Variants in SCD5 observed in about 807,000 individuals in gnomAD.
SCD5 encodes stearoyl-CoA desaturase 5.
A neutral mutation model predicts 30.4 loss-of-function variants in SCD5; 20 were observed. The ratio of observed to expected loss-of-function variants is 0.66; its 90% CI spans 0.46 to 0.96. The LOEUF (loss-of-function observed/expected upper bound fraction) is 0.96. SCD5 is among the 40% of genes least tolerant of loss of function. The pLI, the probability that SCD5 is intolerant of heterozygous loss-of-function variation, is 0.00. For synonymous variants in SCD5, 173 were observed against 176.4 expected (o/e 0.98, Z 0.16); for missense variants, 381 against 443.3 (o/e 0.86, Z 1.26).
At chr4:82,662,899 G>A (rs1255641354) in intron 3 of SCD5, among the ~76,000 whole-genome samples, 1 of 149,480 alleles carries the variant, frequency 6.7e-6, no homozygotes, top group Non-Finnish European at 1.5e-5. Context: ...AAATCCTTCA[G>A]TGTTCATGAA....
intron 2 of SCD5, among the ~76,000 whole-genome samples, chr4:82,683,926 T>A (rs1347205756): frequency 6.6e-6 from 1 of 152,204 alleles, no homozygotes; most frequent in African/African-American, 2.4e-5. Flanking sequence ...CCTCTTTTCT[T>A]TATAGATTAC....
intron 1 of SCD5, among the ~76,000 whole-genome samples, chr4:82,796,530 G>A (rs887495091): frequency 1.3e-5 from 2 of 152,128 alleles, no homozygotes; most frequent in Non-Finnish European, 2.9e-5. Flanking sequence ...TGGAGAGAGG[G>A]GCCTTGTCCT....
Position 82,680,845 on chromosome 4 carries a change from G to C in SCD5, c.431C>G (p.Pro144Arg). 1 of 1,613,584 alleles carries C rather than the reference G, an allele frequency of 6.2e-7. No individual in the cohort carries two copies. Among genetic ancestry groups the C allele is most frequent in the Non-Finnish European group, 8.5e-7 (1 of 1,179,968 alleles). The change falls in exon 3 of 5, where the codon CCC becomes CGC. Residue 144 changes from proline (P) to arginine (R), a missense_variant. Transcript: ENST00000319540. Reference sequence around the variant, plus strand: ...GAAGAAGCCCCGGCGGGCATTGTGGGGGTCAGCATCCGTCTCTGAGTACTT... The same window carrying C: ...GAAGAAGCCCCGGCGGGCATTGTGGCGGTCAGCATCCGTCTCTGAGTACTT... Reference protein sequence around the residue: ...HHKYSETDADPHNARRGFFFS... With the variant: ...HHKYSETDADRHNARRGFFFS...
intron 3 of SCD5, chr4:82,661,115 C>G: frequency 1.3e-6 from 2 of 1,588,690 alleles, no homozygotes; most frequent in East Asian, 2.2e-5. Flanking sequence ...GAGTTCCACC[C>G]AGGTTTGTTC....
chr4:82,705,093 C>T lies in SCD5; in HGVS notation c.363+190G>A, dbSNP rs116593518. ...GTTCAGCATGCCTTAGGGCACAAAA[C>T]CCCCCCAGGGGACATTTTACTGTAT... On this transcript the variant is annotated intron_variant, in intron 2 of 4. Transcript: ENST00000319540. Among the ~76,000 whole-genome samples the T allele has an allele frequency of 6.9e-3, 1,044 of 152,296 alleles. 13 individuals are homozygous for T. Among genetic ancestry groups the T allele is most frequent in the African/African-American group, 0.024 (993 of 41,552 alleles).
intron 1 of SCD5, among the ~76,000 whole-genome samples, chr4:82,712,272 A>ACG (rs1193175219): frequency 2.0e-5 from 1 of 48,926 alleles, no homozygotes; most frequent in African/African-American, 1.4e-4. Flanking sequence ...ATATATATAT[A>ACG]TATATATATA....
At chr4:82,677,665 T>A (rs1315567852) in intron 3 of SCD5, among the ~76,000 whole-genome samples, 2 of 152,230 alleles carry the variant, frequency 1.3e-5, no homozygotes. Context: ...ATGTTCTCTA[T>A]GCTGTATAAT....
At position 82,660,735 on chromosome 4, in the gene SCD5, T is replaced by C; in HGVS notation, c.569+19972A>G. ...TGCCTCCTTGTGTCAACTGATTGAA[T>C]CAATAAATAACCTAATGTTAGCACA... On this transcript the variant is annotated intron_variant, in intron 3 of 4. Coordinates refer to ENST00000319540, the MANE Select transcript of SCD5 (RefSeq NM_001037582.3). 20 of 1,472,650 alleles carry C rather than the reference T, an allele frequency of 1.4e-5. No homozygotes were observed. The South Asian group carries it at 2.8e-4, about 21-fold the overall frequency. The allele number at this position is 1,472,650 out of a possible 1,614,324, so 91.2% of individuals were successfully genotyped here.
At chr4:82,642,732 A>G (rs1727570437) in intron 3 of SCD5, among the ~76,000 whole-genome samples, 1 of 152,224 alleles carries the variant, frequency 6.6e-6, no homozygotes, top group Non-Finnish European at 1.5e-5. Context: ...ATTAGAATAA[A>G]TTGGGGAACA....
chr4:82,777,873 T>G (rs1578064527), intron 1 of SCD5, among the ~76,000 whole-genome samples: 1 of 91,574 alleles, frequency 1.1e-5, no homozygotes, highest in African/African-American at 4.4e-5. Flanking sequence ...CGAGCAACAC[T>G]CCCCCTTTGA....
At chr4:82,685,679 T>A (rs2148822672) in intron 2 of SCD5, among the ~76,000 whole-genome samples, 1 of 149,248 alleles carries the variant, frequency 6.7e-6, no homozygotes, top group East Asian at 2.0e-4. Flanking sequence ...ACCACTGCAC[T>A]CCAGCCTGGG....
At chr4:82,788,257 G>A (rs887379588) in intron 1 of SCD5, among the ~76,000 whole-genome samples, 1 of 152,106 alleles carries the variant, frequency 6.6e-6, no homozygotes, top group Non-Finnish European at 1.5e-5. Flanking sequence ...CCCAGTTTGT[G>A]GTACTCTGTT....
intron 1 of SCD5, among the ~76,000 whole-genome samples, chr4:82,755,199 A>G (rs1390298649): frequency 6.6e-6 from 1 of 152,136 alleles, no homozygotes; most frequent in Admixed American, 6.5e-5. Context: ...CGAAAAAATT[A>G]GGAGAGATGA....
intron 2 of SCD5, among the ~76,000 whole-genome samples, chr4:82,695,157 C>T (rs934703093): frequency 4.6e-5 from 7 of 151,980 alleles, no homozygotes; most frequent in African/African-American, 1.2e-4. Context: ...GGGGTGGACA[C>T]AGAGGACTGG....
intron 1 of SCD5, among the ~76,000 whole-genome samples, chr4:82,715,676 T>C (rs1560541981): frequency 6.6e-6 from 1 of 150,382 alleles, no homozygotes; most frequent in African/African-American, 2.5e-5. Context: ...TTATACCTCA[T>C]GCCTTGGTGT....
intron 2 of SCD5, among the ~76,000 whole-genome samples, chr4:82,704,701 G>A (rs866151046): frequency 1.1e-4 from 16 of 151,886 alleles, no homozygotes; most frequent in African/African-American, 2.4e-4. Flanking sequence ...AAATCCCTGC[G>A]TCTTCAAACT....
At chr4:82,698,184 T>C in intron 2 of SCD5, 1 of 454,018 alleles carries the variant, frequency 2.2e-6, no homozygotes, top group South Asian at 1.6e-5. Flanking sequence ...ATCTGAAGCT[T>C]AGGCTCATGG....
chr4:82,641,323 G>A (rs1032318151), intron 3 of SCD5, among the ~76,000 whole-genome samples: 1 of 151,670 alleles, frequency 6.6e-6, no homozygotes. Flanking sequence ...TGTGGAGCAG[G>A]GGTATACTGG....
chr4:82,780,447 A>T (rs1446577878), intron 1 of SCD5, among the ~76,000 whole-genome samples: 1 of 152,224 alleles, frequency 6.6e-6, no homozygotes, highest in African/African-American at 2.4e-5. Context: ...CACTAGGCCC[A>T]TGTCCACAAA....
Sources: allele counts gnomAD v4.1 joint callset (sites outside exome capture counted in the v4.1 genomes callset), GRCh38; gene constraint gnomAD v4.1.1; transcripts MANE v1.5; gene names NCBI Gene and HGNC (gene_info 2026-07-23, HGNC 2026-07-21).